ZNF841: variants seen among roughly 807,000 people sequenced by gnomAD.
ZNF841 encodes zinc finger protein 841.
In ZNF841, 11 loss-of-function variants were observed where a neutral mutation model predicts 13.0. The ratio of observed to expected loss-of-function variants is 0.85; its 90% CI spans 0.53 to 1.40. ZNF841 has a LOEUF of 1.40. ZNF841 is among the 40% of genes most tolerant of loss of function. The pLI is 0.00. For missense variants in ZNF841, 1,068 were observed against 1,139.5 expected, an observed-to-expected ratio of 0.94 and a Z score of 0.90; for synonymous variants, 369 against 381.6, an observed-to-expected ratio of 0.97 and a Z score of 0.38.
At position 52,067,095 on chromosome 19, in the gene ZNF841, C is replaced by G; in HGVS notation, c.787G>C (p.Gly263Arg). The G allele has an allele frequency of 1.3e-6, 2 of 1,595,322 alleles. No individual in the cohort carries two copies. Among genetic ancestry groups the G allele is most frequent in the Non-Finnish European group, 1.7e-6 (2 of 1,169,494 alleles). Reference sequence around the variant, plus strand: ...CTGAAGGCTTTGCCACACTCATTACCTATGTAAGGTTTTTCCCTAATATGT... The same window carrying G: ...CTGAAGGCTTTGCCACACTCATTACGTATGTAAGGTTTTTCCCTAATATGT... ...KTHIREKPYI[G>R]NECGKAFRVS... is the part of the protein sequence containing the mutation. Residue 263 changes from glycine to arginine, a missense_variant, in exon 7 of 7, where the codon GGT becomes CGT. Coordinates refer to ENST00000594440, the MANE Select transcript of ZNF841 (RefSeq NM_001136499.2).
In ZNF841 at chr19:52,066,897, T is replaced by G. The variant is rs1460693405; in HGVS notation, c.985A>C (p.Asn329His). 17 of 1,614,072 alleles carry G rather than the reference T, an allele frequency of 1.1e-5. No individual in the cohort carries two copies. The highest frequency in any genetic ancestry group is 1.4e-5 in the Non-Finnish European group (17 of 1,180,038). ...CDVCGRIFRQ[N>H]SDLVNHRRSH... ...CTCCGGTGATTTACAAGATCTGAATTTTGTCTGAAGATCCTGCCACATACA... is the reference window on the plus strand; with the variant it reads ...CTCCGGTGATTTACAAGATCTGAATGTTGTCTGAAGATCCTGCCACATACA... The change falls in exon 7 of 7, where the codon AAT becomes CAT. Residue 329 changes from asparagine (N) to histidine (H), a missense_variant. Asn to His is a moderately conservative substitution (Grantham distance 68). Transcript: ENST00000594440.
Position 52,076,853 on chromosome 19 carries a change from C to T in ZNF841, c.142+105G>A, listed in dbSNP as rs2087916694. On this transcript the variant is annotated intron_variant, in intron 5 of 6. Coordinates refer to ENST00000594440, the MANE Select transcript of ZNF841 (RefSeq NM_001136499.2). ...GCTTTTTATTTGTGAATCAACAAGG[C>T]TTCAGTCTCTGTCAAATAATGTAGG... 5.8e-6 allele frequency: 8 copies of T among 1,387,928 alleles called. No individual in the cohort carries two copies. The East Asian group carries it at 1.3e-4, about 22-fold the overall frequency. The allele number at this position is 1,387,928 out of a possible 1,614,324, so 86.0% of individuals were successfully genotyped here. A position where few individuals can be genotyped will look rare whatever the true frequency, so the allele number is the denominator to read the frequency against.
At chr19:52,076,360 T>G (rs2087900288) in intron 5 of ZNF841, 188 bp from the exon 6 acceptor site, 1 of 701,058 alleles carries the variant, frequency 1.4e-6, no homozygotes, top group Non-Finnish European at 2.2e-6. Context: ...CAAGAAATAC[T>G]GAATCAAAAA....
chr19:52,077,045 G>T lies in ZNF841; in HGVS notation c.55C>A (p.Gln19Lys). 1 of 1,612,928 alleles carries T rather than the reference G, an allele frequency of 6.2e-7. No individual in the cohort carries two copies. Among genetic ancestry groups the T allele is most frequent in the Non-Finnish European group, 8.5e-7 (1 of 1,179,284 alleles). Residue 19 changes from glutamine (Q) to lysine (K), a missense_variant, in exon 5 of 7, where the codon CAG becomes AAG. Gln to Lys is a moderately conservative substitution (Grantham distance 53). Transcript: ENST00000594440. Reference protein sequence around the residue: ...TFRDVAVEFSQEEWKCLDPVQ... With the variant: ...TFRDVAVEFSKEEWKCLDPVQ... ...GGGTCCAGGCATTTCCACTCCTCCTGAGAGAATTCTACAGCCACATCCCTG... is the reference window on the plus strand; with the variant it reads ...GGGTCCAGGCATTTCCACTCCTCCTTAGAGAATTCTACAGCCACATCCCTG...
chr19:52,060,094 G>A (rs2087373088), downstream of ZNF841, among the ~76,000 whole-genome samples: 2 of 152,282 alleles, frequency 1.3e-5, no homozygotes, highest in East Asian at 1.9e-4. Flanking sequence ...ACTGTGGAGT[G>A]TACTTTCATT....
chr19:52,072,994 G>A (rs78574868), intron 6 of ZNF841, among the ~76,000 whole-genome samples: 13,449 of 152,120 alleles, frequency 0.088, 821 homozygotes, highest in South Asian at 0.12. Flanking sequence ...AGATATAAAT[G>A]CTAACATTAA....
chr19:52,071,533 G>T (rs1023020482), intron 6 of ZNF841, among the ~76,000 whole-genome samples: 2 of 152,096 alleles, frequency 1.3e-5, no homozygotes, highest in Admixed American at 6.5e-5. Flanking sequence ...TGTTAATGGA[G>T]ACACAGTATA....
In ZNF841 at chr19:52,076,064, C is replaced by T. The variant is rs28706645; in HGVS notation, c.251G>A (p.Cys84Tyr). The change falls in exon 6 of 7, where the codon TGC becomes TAC. Residue 84 changes from cysteine to tyrosine, a missense_variant. Transcript: ENST00000594440. ...CTTACCGGTGATCACGCCTTTCATG[C>T]ATTCCCCACAGTTTGGGTTCCTCGC... ...KIARNPNCGECMKGVITGISP... is the reference protein window; with the variant it reads ...KIARNPNCGEYMKGVITGISP... The T allele has an allele frequency of 2.1e-3, 3,310 of 1,552,886 alleles. 56 individuals are homozygous for T. The African/African-American group carries it at 0.039, about 18-fold the overall frequency.
At chr19:52,078,475 G>A (rs368358846) in intron 4 of ZNF841, among the ~76,000 whole-genome samples, 14 of 152,028 alleles carry the variant, frequency 9.2e-5, no homozygotes, top group African/African-American at 3.1e-4. Context: ...CGAGGTGGGC[G>A]GATCACAAGG....
intron 2 of ZNF841, among the ~76,000 whole-genome samples, chr19:52,089,588 A>G (rs2088402850): frequency 6.6e-6 from 1 of 152,146 alleles, no homozygotes; most frequent in Non-Finnish European, 1.5e-5. Context: ...CGGACATTAC[A>G]GTGAGCCGAG....
chr19:52,062,322 T>G (rs1021195612), downstream of ZNF841, among the ~76,000 whole-genome samples: 3 of 152,180 alleles, frequency 2.0e-5, no homozygotes, highest in South Asian at 6.2e-4. Context: ...TGTACAAATC[T>G]AGGTGGAGCA....
At chr19:52,086,715 C>T (rs2088288240) in intron 3 of ZNF841, among the ~76,000 whole-genome samples, 1 of 152,182 alleles carries the variant, frequency 6.6e-6, no homozygotes, top group African/African-American at 2.4e-5. Flanking sequence ...AGTCAGGACA[C>T]AGCAGCAGAG....
At chr19:52,076,750 G>A (rs9676397) in intron 5 of ZNF841, among the ~76,000 whole-genome samples, 69,030 of 151,822 alleles carry the variant, frequency 0.45, 18,256 homozygotes, top group African/African-American at 0.72. Flanking sequence ...CAGCTCTGGA[G>A]TCACCACTAA....
intron 2 of ZNF841, 56 bp from the exon 3 acceptor site, chr19:52,089,058 A>G (rs895489437): frequency 5.3e-5 from 8 of 152,224 alleles, no homozygotes; most frequent in African/African-American, 1.7e-4. Flanking sequence ...GTAGGCACGA[A>G]AACAATGTAC....
At chr19:52,061,794 G>C (rs2043297), downstream of ZNF841, among the ~76,000 whole-genome samples, 23,482 of 151,996 alleles carry the variant, frequency 0.15, 2,125 homozygotes, top group South Asian at 0.3. Context: ...GATCTGCCCA[G>C]CTCGGCCTCC....
chr19:52,087,249 G>A (rs1445395061), intron 3 of ZNF841, among the ~76,000 whole-genome samples: 3 of 152,156 alleles, frequency 2.0e-5, no homozygotes, highest in African/African-American at 4.8e-5. Flanking sequence ...TGTGCAGGAC[G>A]TGCAGGCTGG....
intron 2 of ZNF841, among the ~76,000 whole-genome samples, chr19:52,093,187 A>G (rs1490036502): frequency 6.6e-6 from 1 of 152,222 alleles, no homozygotes; most frequent in Non-Finnish European, 1.5e-5. Flanking sequence ...CAGCCAAGAT[A>G]TGGAAACAAC....
In ZNF841 at chr19:52,065,470, T is replaced by G. The variant is rs557914758; in HGVS notation, c.2412A>C (p.Val804=). The change falls in exon 7 of 7, where the codon GTA becomes GTC. Residue 804 remains valine (V), a synonymous_variant. Transcript: ENST00000594440. ...KCNECGKAFR[V]RSILLNHQMM... is the part of the protein sequence containing the mutation. ...TCTGATGATTAAGCAGAATTGAACG[T>G]ACTCTAAAGGCTTTGCCACACTCAT... 1 of 1,613,648 alleles carries G rather than the reference T, an allele frequency of 6.2e-7. No individual in the cohort carries two copies. Among genetic ancestry groups the G allele is most frequent in the East Asian group, 2.2e-5 (1 of 44,814 alleles).
At chr19:52,070,904 T>C (rs1322417042) in intron 6 of ZNF841, among the ~76,000 whole-genome samples, 1 of 152,066 alleles carries the variant, frequency 6.6e-6, no homozygotes, top group Non-Finnish European at 1.5e-5. Flanking sequence ...AGTCAGTAAC[T>C]GGGTAGTCCA....
Sources: allele counts gnomAD v4.1 joint callset (sites outside exome capture counted in the v4.1 genomes callset), GRCh38; gene constraint gnomAD v4.1.1; transcripts MANE v1.5; gene names NCBI Gene and HGNC (gene_info 2026-07-23, HGNC 2026-07-21).